SEL1L2: variants seen among roughly 807,000 people sequenced by gnomAD.
SEL1L2 encodes SEL1L2 adaptor subunit of SYVN1 ubiquitin ligase.
In SEL1L2, 89 loss-of-function variants were observed where a neutral mutation model predicts 98.8. The observed-to-expected ratio is 0.90, with a 90% confidence interval of 0.76 to 1.07. The LOEUF is 1.07. SEL1L2 is among the 50% of genes least tolerant of loss of function. SEL1L2 has a pLI of 0.00. For synonymous variants in SEL1L2, 262 were observed against 278.5 expected (o/e 0.94, Z 0.59); for missense variants, 788 against 812.0 (o/e 0.97, Z 0.36).
At chr20:13,857,161 A>G (rs979824720) in intron 18 of SEL1L2, among the ~76,000 whole-genome samples, 1 of 152,080 alleles carries the variant, frequency 6.6e-6, no homozygotes, top group Non-Finnish European at 1.5e-5. Flanking sequence ...AGCTCAGCCT[A>G]AAATTCTCAT....
At chr20:13,888,080 A>G in intron 6 of SEL1L2, 79 bp from the exon 7 acceptor site, 1 of 1,207,944 alleles carries the variant, frequency 8.3e-7, no homozygotes, top group Non-Finnish European at 1.2e-6. Context: ...CAAGTATTCC[A>G]TTTTTATTCC....
At chr20:13,886,216 C>T in intron 9 of SEL1L2, 72 bp downstream of exon 9, 1 of 1,156,314 alleles carries the variant, frequency 8.6e-7, no homozygotes, top group Non-Finnish European at 1.2e-6. Context: ...TTCATCCCTC[C>T]AGGACTCAGA....
chr20:13,974,774 CT>C (rs370942635), intron 1 of SEL1L2, among the ~76,000 whole-genome samples: 1 of 151,976 alleles, frequency 6.6e-6, no homozygotes, highest in African/African-American at 2.4e-5. Context: ...GGGCTCCTTC[CT>C]TTTTTTCCCT....
Position 13,931,824 on chromosome 20 carries a change from A to G in SEL1L2, c.115-53T>C, listed in dbSNP as rs754204557. 1.5e-4 allele frequency: 201 copies of G among 1,365,766 alleles called. 1 individual carries two copies. Among genetic ancestry groups the G allele is most frequent in the Non-Finnish European group, 3.2e-5 (33 of 1,026,028 alleles). 84.6% of individuals were successfully genotyped at this position (1,365,766 alleles called of 1,614,324 possible). A position where few individuals can be genotyped will look rare whatever the true frequency, so the allele number is the denominator to read the frequency against. Reference sequence around the variant, plus strand: ...TTGTTCATGTGTGAGTTTTTTTCAAATGAAACAACAGGAAAGTGAAAATTC... The same window carrying G: ...TTGTTCATGTGTGAGTTTTTTTCAAGTGAAACAACAGGAAAGTGAAAATTC... On this transcript the variant is annotated intron_variant, in intron 2 of 19. Coordinates refer to ENST00000284951, the MANE Select transcript of SEL1L2 (RefSeq NM_025229.2).
intron 1 of SEL1L2, among the ~76,000 whole-genome samples, chr20:13,956,927 T>TA (rs2050567995): frequency 6.6e-6 from 1 of 151,714 alleles, no homozygotes; most frequent in Non-Finnish European, 1.5e-5. Context: ...TTTTGGGAAG[T>TA]AAAAAAAATG....
chr20:13,895,235 G>A (rs1020089447), intron 5 of SEL1L2, among the ~76,000 whole-genome samples: 2 of 152,152 alleles, frequency 1.3e-5, no homozygotes, highest in African/African-American at 4.8e-5. Flanking sequence ...ATGAGCTCAC[G>A]AGTTTGAGAC....
chr20:13,985,192 C>G (rs2052102758), intron 1 of SEL1L2, among the ~76,000 whole-genome samples: 1 of 152,040 alleles, frequency 6.6e-6, no homozygotes, highest in Admixed American at 6.6e-5. Flanking sequence ...AAGGAGTAAA[C>G]CTGAAATGAC....
At chr20:13,889,790 CA>C (rs904580989) in intron 5 of SEL1L2, among the ~76,000 whole-genome samples, 1 of 150,336 alleles carries the variant, frequency 6.7e-6, no homozygotes, top group African/African-American at 2.4e-5. Context: ...GACTCCGTCT[CA>C]AAAAAAACAA....
chr20:13,953,444 A>C (rs1048673018), intron 2 of SEL1L2, among the ~76,000 whole-genome samples: 1 of 152,164 alleles, frequency 6.6e-6, no homozygotes, highest in African/African-American at 2.4e-5. Flanking sequence ...AGCAGGAAGC[A>C]GTTAAGATCG....
intron 2 of SEL1L2, among the ~76,000 whole-genome samples, chr20:13,936,695 T>C (rs955358815): frequency 6.6e-6 from 1 of 152,188 alleles, no homozygotes; most frequent in Non-Finnish European, 1.5e-5. Flanking sequence ...GGAGGTTGAT[T>C]TGAGTGATAA....
At chr20:13,903,398 G>C (rs546359398) in intron 5 of SEL1L2, among the ~76,000 whole-genome samples, 1 of 152,186 alleles carries the variant, frequency 6.6e-6, no homozygotes, top group Admixed American at 6.5e-5. Context: ...CTGTTTGGGT[G>C]TTTCTAGTAT....
intron 1 of SEL1L2, among the ~76,000 whole-genome samples, chr20:13,974,448 A>AT (rs1172258995): frequency 2.6e-5 from 2 of 77,886 alleles, no homozygotes; most frequent in Non-Finnish European, 2.8e-5. Flanking sequence ...ACTGCTTTTT[A>AT]TTTTTTTTCC....
intron 8 of SEL1L2, 132 bp from the exon 9 acceptor site, chr20:13,886,574 G>T (rs774519169): frequency 7.5e-6 from 6 of 796,064 alleles, no homozygotes; most frequent in East Asian, 2.8e-5. Flanking sequence ...AGAGACAGAA[G>T]ATCCATGAAA....
At chr20:13,863,760 A>G (rs1362876565) in intron 17 of SEL1L2, among the ~76,000 whole-genome samples, 2 of 152,172 alleles carry the variant, frequency 1.3e-5, no homozygotes, top group African/African-American at 4.8e-5. Context: ...TCACGAGGTC[A>G]AGAGATCAAG....
At chr20:13,877,279 C>G (rs1244603186) in intron 11 of SEL1L2, among the ~76,000 whole-genome samples, 9 of 152,160 alleles carry the variant, frequency 5.9e-5, no homozygotes, top group Admixed American at 5.9e-4. Context: ...TGCCCTGTCC[C>G]TCTACAATGG....
At chr20:13,923,440 T>C (rs1311470722) in intron 3 of SEL1L2, among the ~76,000 whole-genome samples, 1 of 152,220 alleles carries the variant, frequency 6.6e-6, no homozygotes, top group Non-Finnish European at 1.5e-5. Flanking sequence ...GTGTGGCCAA[T>C]TTTTATACAG....
At chr20:13,892,985 G>GT (rs1600645562) in intron 5 of SEL1L2, among the ~76,000 whole-genome samples, 1 of 152,164 alleles carries the variant, frequency 6.6e-6, no homozygotes. Flanking sequence ...TATAAAACCT[G>GT]TTTTTCCACA....
At chr20:13,927,636 C>T (rs2148288472) in intron 3 of SEL1L2, among the ~76,000 whole-genome samples, 1 of 152,232 alleles carries the variant, frequency 6.6e-6, no homozygotes, top group Admixed American at 6.5e-5. Context: ...TAAGTTAAAT[C>T]CTATTTCTCT....
intron 5 of SEL1L2, among the ~76,000 whole-genome samples, chr20:13,895,641 T>A (rs550673755): frequency 1.3e-3 from 202 of 152,274 alleles, no homozygotes; most frequent in African/African-American, 4.5e-3. Flanking sequence ...ACAGCTTACA[T>A]CATACCCAAT....
Sources: gnomAD v4.1 joint callset for allele counts (sites outside exome capture counted in the v4.1 genomes callset) on GRCh38, gnomAD v4.1.1 for gene constraint, MANE v1.5 for transcripts, NCBI Gene and HGNC (gene_info 2026-07-23, HGNC 2026-07-21) for gene names.